The following SYNE2 variants were observed in gnomAD, a reference collection of about 807,000 sequenced individuals.
The protein encoded by SYNE2 is spectrin repeat containing nuclear envelope protein 2.
In SYNE2, 431 loss-of-function variants were observed where a neutral mutation model predicts 856.3. That is an observed-to-expected ratio of 0.50 (90% confidence interval 0.47 to 0.55). The LOEUF (loss-of-function observed/expected upper bound fraction) is 0.55, where lower values mean the gene tolerates loss of function less well. SYNE2 is among the 20% of genes least tolerant of loss of function. The pLI is 0.00. For synonymous variants in SYNE2, 2,923 were observed against 2,872.3 expected (o/e 1.02, Z -0.56); for missense variants, 8,129 against 8,023.2 (o/e 1.01, Z -0.50).
At chr14:63,806,185 A>G (rs1888355579) in intron 1 of SYNE2, among the ~76,000 whole-genome samples, 1 of 152,204 alleles carries the variant, frequency 6.6e-6, no homozygotes, top group African/African-American at 2.4e-5. Flanking sequence ...GGTTTTTAAC[A>G]TGAAGAGATG....
At chr14:64,138,946 GGTGTGTGTGTGT>G (rs150016027) in intron 79 of SYNE2, among the ~76,000 whole-genome samples, 15,787 of 137,508 alleles carry the variant, frequency 0.11, 1,092 homozygotes, top group East Asian at 0.34. Context: ...GTGTATGTAT[GGTGTGTGTGTGT>G]GTGTGTGTGT....
chr14:63,962,029 TTTTTTA>T (rs1006900820), intron 9 of SYNE2, among the ~76,000 whole-genome samples: 3 of 151,602 alleles, frequency 2.0e-5, no homozygotes, highest in African/African-American at 7.2e-5. Flanking sequence ...TAATATTCTA[TTTTTTA>T]TTTTTATTTT....
rs2097231219 is a variant in SYNE2, at chr14:64,052,026, G to A, written c.8113G>A (p.Gly2705Arg). Residue 2705 changes from glycine to arginine, a missense_variant, in exon 48 of 116, where the codon GGA becomes AGA. Transcript: ENST00000555002. ...AAAAGAAAAGAAGAATTTGGAGGAT[G>A]GAATAAATAACTTGAAGAAACAATG... is the stretch of plus-strand genomic sequence containing the variant. ...GEKEKKNLED[G>R]INNLKKQWET... 1 of 1,613,542 alleles carries A rather than the reference G, an allele frequency of 6.2e-7. No individual in the cohort carries two copies. The highest frequency in any genetic ancestry group is 1.7e-5 in the Admixed American group (1 of 59,886).
At chr14:63,930,740 T>C (rs956440926) in intron 2 of SYNE2, among the ~76,000 whole-genome samples, 1 of 152,190 alleles carries the variant, frequency 6.6e-6, no homozygotes, top group Non-Finnish European at 1.5e-5. Context: ...TTCACCATGT[T>C]GACCAGGCTG....
intron 114 of SYNE2, 47 bp from the exon 115 acceptor site, chr14:64,224,952 G>A (rs756510851): frequency 7.0e-6 from 11 of 1,566,790 alleles, no homozygotes; most frequent in Middle Eastern, 1.7e-4. Context: ...TCATTGATAG[G>A]ACTAAACTGT....
intron 68 of SYNE2, 22 bp from the exon 69 acceptor site, chr14:64,121,990 T>C: frequency 6.2e-7 from 1 of 1,612,824 alleles, no homozygotes. Flanking sequence ...GATTGGACCA[T>C]TTGAATCTCA....
Position 64,219,104 on chromosome 14 carries a change from G to GTTTTTTTTTT in SYNE2, c.19658-93_19658-84dup, listed in dbSNP as rs528002229. 2,137 of 408,376 alleles carry GTTTTTTTTTT rather than the reference G, an allele frequency of 5.2e-3. 239 individuals carry two copies. The East Asian group carries it at 0.056, about 11-fold the overall frequency. The allele number at this position is 408,376 out of a possible 1,614,324, so 25.3% of individuals were successfully genotyped here. On this transcript the variant is annotated intron_variant, in intron 109 of 115. Transcript: ENST00000555002. Reference sequence around the variant, plus strand: ...CAGGGGAATCCCCTACAGTTTTTTTGTTTTTTTTTTTTTTTTTTTTAACCA... The same window carrying GTTTTTTTTTT: ...CAGGGGAATCCCCTACAGTTTTTTTGTTTTTTTTTTTTTTTTTTTTTTTTTTTTTTAACCA...
Position 64,218,495 on chromosome 14 carries a change from T to C in SYNE2, c.19640T>C (p.Ile6547Thr). The change falls in exon 109 of 116, where the codon ATC (isoleucine) becomes ACC (threonine). Residue 6547 changes from isoleucine to threonine, a missense_variant. Physicochemically the swap from Ile to Thr is moderately conservative, Grantham distance 89. Around this residue, in one of 3 missense-constraint regions of SYNE2, gnomAD observed 5,410 missense variants for 5,284.8 expected, o/e 1.02. Coordinates refer to ENST00000555002, the MANE Select transcript of SYNE2 (RefSeq NM_182914.3). Reference sequence around the variant, plus strand: ...CAGGAAGACGGGGGACTGGCCGGTATCACAGAGCAGCAGTCAGGTACTGCC... The same window carrying C: ...CAGGAAGACGGGGGACTGGCCGGTACCACAGAGCAGCAGTCAGGTACTGCC... ...PQQEDGGLAG[I>T]TEQQSGAFDR... 6.2e-7 allele frequency: 1 copy of C among 1,613,972 alleles called. No homozygotes were observed. Among genetic ancestry groups the C allele is most frequent in the Non-Finnish European group, 8.5e-7 (1 of 1,180,012 alleles).
intron 1 of SYNE2, among the ~76,000 whole-genome samples, chr14:63,863,731 T>C (rs1338398091): frequency 6.6e-6 from 1 of 152,130 alleles, no homozygotes; most frequent in Admixed American, 6.5e-5. Flanking sequence ...GAGATAGTGA[T>C]TCAGAAAGAA....
intron 96 of SYNE2, among the ~76,000 whole-genome samples, chr14:64,179,835 T>A (rs765513962): frequency 3.9e-5 from 6 of 152,212 alleles, no homozygotes; most frequent in Non-Finnish European, 8.8e-5. Flanking sequence ...AGAGCCTGTT[T>A]TTCTGCGTTT....
chr14:64,187,360 T>C (rs1291336464), intron 97 of SYNE2, among the ~76,000 whole-genome samples: 2 of 152,356 alleles, frequency 1.3e-5, no homozygotes, highest in South Asian at 4.1e-4. Flanking sequence ...ATTTTAAATG[T>C]TCTTTTAGAA....
intron 1 of SYNE2, among the ~76,000 whole-genome samples, chr14:63,776,305 A>G (rs958198649): frequency 2.0e-5 from 3 of 152,186 alleles, no homozygotes; most frequent in Non-Finnish European, 2.9e-5. Context: ...TCTTAGTCCA[A>G]TCCAGCTGCA....
chr14:64,026,194 G>A (rs577702120), intron 41 of SYNE2, among the ~76,000 whole-genome samples: 15 of 152,254 alleles, frequency 9.9e-5, no homozygotes, highest in Admixed American at 5.2e-4. Flanking sequence ...TGACATGAGG[G>A]ACACTGTATT....
At chr14:64,217,582 G>GA (rs2098672553) in intron 108 of SYNE2, among the ~76,000 whole-genome samples, 1 of 152,154 alleles carries the variant, frequency 6.6e-6, no homozygotes, top group African/African-American at 2.4e-5. Context: ...TAATAAGACA[G>GA]GGGAAAGACC....
intron 2 of SYNE2, among the ~76,000 whole-genome samples, chr14:63,936,250 A>G (rs2095831869): frequency 6.6e-6 from 1 of 152,210 alleles, no homozygotes; most frequent in Non-Finnish European, 1.5e-5. Flanking sequence ...CTTGGGACAT[A>G]GCACAGACAA....
chr14:64,119,422 C>T lies in SYNE2; in HGVS notation c.12841-5C>T, dbSNP rs1425905308. On this transcript the variant is annotated splice_region_variant and splice_polypyrimidine_tract_variant and intron_variant, in intron 66 of 115. Transcript: ENST00000555002. ...TATGAATAATTAAATGCTTTTATTTCCTAGGCTATGCTAACAGAGATTGAG... is the reference window on the plus strand; with the variant it reads ...TATGAATAATTAAATGCTTTTATTTTCTAGGCTATGCTAACAGAGATTGAG... 1.2e-6 allele frequency: 2 copies of T among 1,613,982 alleles called. No individual in the cohort carries two copies. Among genetic ancestry groups the T allele is most frequent in the Admixed American group, 3.3e-5 (2 of 60,000 alleles).
chr14:64,179,699 G>C (rs992114554), intron 96 of SYNE2, among the ~76,000 whole-genome samples: 1 of 151,842 alleles, frequency 6.6e-6, no homozygotes, highest in African/African-American at 2.4e-5. Context: ...GCCTATTTGT[G>C]CCTTTTACTG....
chr14:63,927,498 A>G (rs188062207), intron 2 of SYNE2, among the ~76,000 whole-genome samples: 79 of 152,246 alleles, frequency 5.2e-4, no homozygotes, highest in Non-Finnish European at 9.0e-4. Context: ...AGCTTCCCCC[A>G]TACTATTCTC....
chr14:63,792,279 A>C (rs527931869), intron 1 of SYNE2, among the ~76,000 whole-genome samples: 94 of 152,286 alleles, frequency 6.2e-4, no homozygotes, highest in Middle Eastern at 3.4e-3. Context: ...TAAGAGCTGG[A>C]GTCACCTGTA....
Sources: allele counts gnomAD v4.1 joint callset (sites outside exome capture counted in the v4.1 genomes callset), GRCh38; gene constraint gnomAD v4.1.1; regional missense constraint gnomAD v4.1.1; transcripts MANE v1.5; gene names NCBI Gene and HGNC (gene_info 2026-07-23, HGNC 2026-07-21).